Variants in NTNG1 observed in about 807,000 individuals in gnomAD.
NTNG1 encodes netrin-G1.
NTNG1 carries 16 observed loss-of-function variants against 54.0 expected under a neutral mutation model. That is an observed-to-expected ratio of 0.30 (90% CI 0.20 to 0.45). NTNG1 has a LOEUF of 0.45. Ranked by LOEUF, NTNG1 falls within the 20% of genes least tolerant of loss-of-function variation. The probability of loss-of-function intolerance (pLI) is 1.00; values close to 1 mark genes in which losing one functional copy is unlikely to be tolerated. For synonymous variants in NTNG1, 255 were observed against 263.1 expected, an observed-to-expected ratio of 0.97 and a Z score of 0.30; for missense variants, 530 against 678.7, an observed-to-expected ratio of 0.78 and a Z score of 2.43.
At chr1:107,416,985 G>T (rs574190433) in intron 5 of NTNG1, among the ~76,000 whole-genome samples, 1 of 152,146 alleles carries the variant, frequency 6.6e-6, no homozygotes, top group Admixed American at 6.6e-5. Context: ...TGGGAATACA[G>T]ACAATATTAA....
intron 2 of NTNG1, among the ~76,000 whole-genome samples, chr1:107,315,708 T>C (rs1667295989): frequency 6.6e-6 from 1 of 152,206 alleles, no homozygotes; most frequent in African/African-American, 2.4e-5. Flanking sequence ...CATAGAACTC[T>C]GTGATTTCCT....
chr1:107,429,983 G>A (rs531265728), intron 5 of NTNG1, among the ~76,000 whole-genome samples: 106 of 152,138 alleles, frequency 7.0e-4, no homozygotes, highest in South Asian at 2.9e-3. Context: ...AGAAACCAAG[G>A]AAAAGAAAGG....
At chr1:107,260,115 A>G (rs952402072) in intron 2 of NTNG1, among the ~76,000 whole-genome samples, 1 of 152,242 alleles carries the variant, frequency 6.6e-6, no homozygotes, top group African/African-American at 2.4e-5. Flanking sequence ...TCTCTTCATG[A>G]TAGTAAACAG....
chr1:107,405,010 C>T (rs979277013), intron 4 of NTNG1, among the ~76,000 whole-genome samples: 4 of 152,116 alleles, frequency 2.6e-5, no homozygotes, highest in African/African-American at 9.7e-5. Flanking sequence ...TCATTCCTCA[C>T]AAACCCCAAA....
Position 107,164,206 on chromosome 1 carries a change from G to A in NTNG1, c.246+15367G>A, listed in dbSNP as rs114032696. On this transcript the variant is annotated intron_variant, in intron 2 of 7. Transcript: ENST00000370068. The stretch of plus-strand genomic sequence containing the variant: ...ACTGTGGCTTGAGGAGGGGAGAGCA[G>A]GCTGGATCTCAGCCTCCACCTCTAG... 2.2e-3 allele frequency among the ~76,000 whole-genome samples: 329 copies of A among 152,318 alleles called. 1 individual carries two copies. The highest frequency in any genetic ancestry group is 7.4e-3 in the African/African-American group (306 of 41,570).
intron 2 of NTNG1, among the ~76,000 whole-genome samples, chr1:107,223,264 G>A (rs1006857838): frequency 6.6e-6 from 1 of 152,066 alleles, no homozygotes; most frequent in Non-Finnish European, 1.5e-5. Context: ...GTGTGTGTCT[G>A]TGTGTGCGCA....
chr1:107,234,567 TTATTCCCCTC>T (rs772471625), intron 2 of NTNG1, among the ~76,000 whole-genome samples: 3 of 152,204 alleles, frequency 2.0e-5, no homozygotes, highest in Non-Finnish European at 4.4e-5. Flanking sequence ...GAGGTAGCTA[TTATTCCCCTC>T]TATTGTATGG....
At chr1:107,373,206 T>A (rs2100999185) in intron 3 of NTNG1, among the ~76,000 whole-genome samples, 1 of 152,224 alleles carries the variant, frequency 6.6e-6, no homozygotes, top group African/African-American at 2.4e-5. Context: ...TTTTAAATGA[T>A]TCCTTTATAT....
intron 3 of NTNG1, among the ~76,000 whole-genome samples, chr1:107,346,137 A>G (rs1022476610): frequency 2.0e-5 from 3 of 152,214 alleles, no homozygotes; most frequent in Non-Finnish European, 4.4e-5. Context: ...AAAAGGAAAA[A>G]TGTAGGAGAC....
intron 2 of NTNG1, among the ~76,000 whole-genome samples, chr1:107,231,833 A>T (rs1661089099): frequency 6.6e-6 from 1 of 151,880 alleles, no homozygotes; most frequent in South Asian, 2.1e-4. Context: ...AATGAAATGA[A>T]ATTAACATAT....
intron 3 of NTNG1, among the ~76,000 whole-genome samples, chr1:107,342,131 C>G (rs1160037287): frequency 2.6e-5 from 4 of 151,950 alleles, no homozygotes; most frequent in Non-Finnish European, 5.9e-5. Context: ...TGAGTATATC[C>G]TATTTTAAAA....
intron 7 of NTNG1, among the ~76,000 whole-genome samples, chr1:107,437,681 T>G (rs1214728195): frequency 1.3e-5 from 2 of 152,126 alleles, no homozygotes; most frequent in Non-Finnish European, 2.9e-5. Context: ...TAAAAAGAAA[T>G]AAGATAAATT....
intron 5 of NTNG1, among the ~76,000 whole-genome samples, chr1:107,426,501 T>C (rs919435962): frequency 1.3e-5 from 2 of 152,102 alleles, no homozygotes; most frequent in Admixed American, 6.6e-5. Context: ...TATTGTTGGA[T>C]TCTCTATTCT....
At chr1:107,423,805 T>G (rs2101264506) in intron 5 of NTNG1, among the ~76,000 whole-genome samples, 1 of 152,226 alleles carries the variant, frequency 6.6e-6, no homozygotes, top group African/African-American at 2.4e-5. Context: ...GTGGCTACTG[T>G]TTTTCTAAAC....
intron 2 of NTNG1, among the ~76,000 whole-genome samples, chr1:107,231,131 C>G (rs1263740449): frequency 2.0e-5 from 3 of 152,176 alleles, no homozygotes; most frequent in African/African-American, 7.2e-5. Flanking sequence ...CCCTGCCTTG[C>G]AGATTTTACG....
At chr1:107,231,751 G>A (rs1041168576) in intron 2 of NTNG1, among the ~76,000 whole-genome samples, 2 of 152,108 alleles carry the variant, frequency 1.3e-5, no homozygotes, top group Admixed American at 6.6e-5. Context: ...GCTGGTCCTC[G>A]GTGGCCTCTG....
chr1:107,363,556 C>G (rs891179669), intron 3 of NTNG1, among the ~76,000 whole-genome samples: 18 of 152,032 alleles, frequency 1.2e-4, no homozygotes, highest in Non-Finnish European at 7.4e-5. Context: ...CTATTATTTC[C>G]CCCAATAAAA....
intron 5 of NTNG1, among the ~76,000 whole-genome samples, chr1:107,425,233 A>C (rs1674822909): frequency 6.6e-6 from 1 of 152,086 alleles, no homozygotes; most frequent in South Asian, 2.1e-4. Flanking sequence ...TGTGTGTTTC[A>C]TGGATATTAC....
Position 107,324,806 on chromosome 1 carries a change from T to TCTG in NTNG1, c.771_772insCTG (p.Phe257_Thr258insLeu). 1 of 1,613,660 alleles carries TCTG rather than the reference T, an allele frequency of 6.2e-7. No homozygotes were observed. The highest frequency in any genetic ancestry group is 8.5e-7 in the Non-Finnish European group (1 of 1,179,768). On this transcript the variant is annotated inframe_insertion, in exon 3 of 8. Coordinates refer to ENST00000370068, the MANE Select transcript of NTNG1 (RefSeq NM_001113226.3). ...CAACCAAGAAACTCAGAGATTTCTT[T>TCTG]ACAGTCACAGACCTGAGGATAAGGC...
Sources: gnomAD v4.1 joint callset for allele counts (sites outside exome capture counted in the v4.1 genomes callset) on GRCh38, gnomAD v4.1.1 for gene constraint, MANE v1.5 for transcripts, NCBI Gene and HGNC (gene_info 2026-07-23, HGNC 2026-07-21) for gene names.